The following NUBPL variants were observed in gnomAD, a reference collection of about 807,000 sequenced individuals.
The protein encoded by NUBPL is iron-sulfur cluster transfer protein NUBPL.
In NUBPL, 31 loss-of-function variants were observed where a neutral mutation model predicts 45.7. The observed-to-expected ratio is 0.68, with a 90% CI of 0.51 to 0.92. The LOEUF (loss-of-function observed/expected upper bound fraction) is 0.92, where lower values mean the gene tolerates loss of function less well. Among genes scored for constraint, NUBPL ranks in the 40% least tolerant of loss-of-function variants. NUBPL has a pLI of 0.00. For missense variants in NUBPL, 401 were observed against 398.7 expected (o/e 1.01, Z -0.05); for synonymous variants, 144 against 140.9 (o/e 1.02, Z -0.15).
At chr14:31,798,822 TTA>T (rs2039524125) in intron 7 of NUBPL, among the ~76,000 whole-genome samples, 1 of 127,734 alleles carries the variant, frequency 7.8e-6, no homozygotes, top group Admixed American at 7.8e-5. Flanking sequence ...AAAAAAGAAA[TTA>T]TCTTATTTAC....
At chr14:31,700,550 G>C (rs929909508) in intron 6 of NUBPL, among the ~76,000 whole-genome samples, 11 of 152,152 alleles carry the variant, frequency 7.2e-5, no homozygotes, top group Admixed American at 4.6e-4. Flanking sequence ...TGGAGGGAGA[G>C]GTGTGGGTGG....
chr14:31,825,703 A>C (rs1352272431), intron 7 of NUBPL, among the ~76,000 whole-genome samples: 1 of 100,858 alleles, frequency 9.9e-6, no homozygotes, highest in African/African-American at 3.9e-5. Flanking sequence ...TTTCTTCTTC[A>C]TCTTCCTCTT....
At chr14:31,843,269 T>C (rs2040404451) in intron 8 of NUBPL, among the ~76,000 whole-genome samples, 1 of 152,230 alleles carries the variant, frequency 6.6e-6, no homozygotes, top group Admixed American at 6.5e-5. Context: ...ACAAGTTATG[T>C]GTTCCTACCT....
intron 6 of NUBPL, chr14:31,771,815 G>T: frequency 1.0e-6 from 1 of 973,822 alleles, no homozygotes. Flanking sequence ...CCATTTACCA[G>T]CCCATTTCCA....
At chr14:31,763,422 T>A (rs2038853740) in intron 6 of NUBPL, among the ~76,000 whole-genome samples, 1 of 152,160 alleles carries the variant, frequency 6.6e-6, no homozygotes. Flanking sequence ...ATTTTTTGGT[T>A]TGTGCCCAAG....
intron 8 of NUBPL, among the ~76,000 whole-genome samples, chr14:31,842,097 A>ATT (rs1414818276): frequency 6.6e-6 from 1 of 150,730 alleles, no homozygotes; most frequent in Non-Finnish European, 1.5e-5. Context: ...CGCCCAGCTA[A>ATT]TTTTTGTATT....
intron 10 of NUBPL, among the ~76,000 whole-genome samples, chr14:31,857,743 C>T (rs2040647270): frequency 6.6e-6 from 1 of 152,164 alleles, no homozygotes; most frequent in Admixed American, 6.5e-5. Flanking sequence ...CAACAACTTC[C>T]TCATCTCCAT....
chr14:31,646,290 G>A (rs766576288), intron 4 of NUBPL, among the ~76,000 whole-genome samples: 4 of 151,990 alleles, frequency 2.6e-5, no homozygotes, highest in South Asian at 4.2e-4. Context: ...AGATTCAGGC[G>A]ATTCTTGTAC....
chr14:31,788,987 A>C (rs895183523), intron 7 of NUBPL, among the ~76,000 whole-genome samples: 10 of 152,234 alleles, frequency 6.6e-5, no homozygotes, highest in Admixed American at 2.6e-4. Flanking sequence ...CTACTGGTAC[A>C]TGACAGGCAC....
intron 4 of NUBPL, among the ~76,000 whole-genome samples, chr14:31,626,737 A>C (rs1026332033): frequency 6.6e-6 from 1 of 152,316 alleles, no homozygotes; most frequent in East Asian, 1.9e-4. Flanking sequence ...AAGGTTCCTA[A>C]TTTAGATTAT....
chr14:31,676,876 G>A (rs1275671219), intron 6 of NUBPL, among the ~76,000 whole-genome samples: 1 of 151,718 alleles, frequency 6.6e-6, no homozygotes. Context: ...CCCAGTCTGT[G>A]GCTTGTCTTT....
At chr14:31,750,410 C>T (rs538376000) in intron 6 of NUBPL, among the ~76,000 whole-genome samples, 12 of 149,928 alleles carry the variant, frequency 8.0e-5, no homozygotes, top group East Asian at 1.9e-4. Context: ...GGGGTTTCAC[C>T]GTGGTCTCGA....
chr14:31,641,450 T>G (rs1189110591), intron 4 of NUBPL, among the ~76,000 whole-genome samples: 1 of 152,212 alleles, frequency 6.6e-6, no homozygotes, highest in African/African-American at 2.4e-5. Context: ...TAGGCCTGGC[T>G]TATTTCACTT....
intron 7 of NUBPL, among the ~76,000 whole-genome samples, chr14:31,823,753 C>T (rs1213348198): frequency 2.0e-5 from 3 of 151,946 alleles, no homozygotes; most frequent in Non-Finnish European, 4.4e-5. Flanking sequence ...GTTAGTTATA[C>T]AGCTGGATAC....
chr14:31,722,725 A>C (rs193234412), intron 6 of NUBPL, among the ~76,000 whole-genome samples: 2 of 152,176 alleles, frequency 1.3e-5, no homozygotes, highest in Admixed American at 6.5e-5. Context: ...TGTTGGCTGC[A>C]CATATGTCTT....
intron 6 of NUBPL, among the ~76,000 whole-genome samples, chr14:31,736,400 TC>T (rs1200661471): frequency 1.3e-5 from 2 of 152,180 alleles, no homozygotes; most frequent in African/African-American, 4.8e-5. Flanking sequence ...ATACTCACTC[TC>T]AGTGGTAACC....
chr14:31,822,124 A>G (rs1402710063), intron 7 of NUBPL, among the ~76,000 whole-genome samples: 1 of 152,190 alleles, frequency 6.6e-6, no homozygotes, highest in African/African-American at 2.4e-5. Context: ...AGTATTTGAC[A>G]GCACAACAGG....
intron 6 of NUBPL, among the ~76,000 whole-genome samples, chr14:31,750,474 A>T (rs1441977107): frequency 1.3e-5 from 2 of 151,030 alleles, no homozygotes; most frequent in Non-Finnish European, 3.0e-5. Flanking sequence ...TGGGATTACA[A>T]GCGTGAGCCA....
At chr14:31,795,093 C>A (rs1242644216) in intron 7 of NUBPL, among the ~76,000 whole-genome samples, 1 of 148,116 alleles carries the variant, frequency 6.8e-6, no homozygotes, top group African/African-American at 2.5e-5. Context: ...TGATCTATAT[C>A]TCTGTTTTGG....
Sources: gnomAD v4.1 joint callset for allele counts (sites outside exome capture counted in the v4.1 genomes callset) on GRCh38, gnomAD v4.1.1 for gene constraint, MANE v1.5 for transcripts, NCBI Gene and HGNC (gene_info 2026-07-23, HGNC 2026-07-21) for gene names.